The following KAZN variants were observed in gnomAD, a reference collection of about 807,000 sequenced individuals.
KAZN encodes kazrin, periplakin interacting protein.
In KAZN, 40 loss-of-function variants were observed where a neutral mutation model predicts 87.4. The observed-to-expected ratio is 0.46, with a 90% CI of 0.36 to 0.60. KAZN has a LOEUF of 0.60. Ranked by LOEUF, KAZN falls within the 20% of genes least tolerant of loss-of-function variation. The probability of loss-of-function intolerance (pLI) is 0.00; values close to 1 mark genes in which losing one functional copy is unlikely to be tolerated. For synonymous variants in KAZN, 466 were observed against 458.3 expected (o/e 1.02, Z -0.22); for missense variants, 898 against 1,073.9 (o/e 0.84, Z 2.29).
chr1:14,575,216 G>A (rs1056502194), intron 2 of KAZN, among the ~76,000 whole-genome samples: 1 of 151,892 alleles, frequency 6.6e-6, no homozygotes, highest in Non-Finnish European at 1.5e-5. Flanking sequence ...ATAAGAGTGG[G>A]GTAGTAGTGG....
intron 1 of KAZN, among the ~76,000 whole-genome samples, chr1:14,799,800 C>T (rs1171183266): frequency 6.6e-6 from 1 of 152,094 alleles, no homozygotes; most frequent in African/African-American, 2.4e-5. Context: ...ATTTAATGTA[C>T]AATTTAGTTT....
intron 8 of KAZN, among the ~76,000 whole-genome samples, chr1:15,068,519 G>A (rs372886824): frequency 6.6e-6 from 1 of 151,992 alleles, no homozygotes; most frequent in Non-Finnish European, 1.5e-5. Context: ...CTGTGCTTTG[G>A]GGCGTGTTAC....
chr1:14,841,763 A>G (rs551071204), intron 1 of KAZN, among the ~76,000 whole-genome samples: 12 of 152,222 alleles, frequency 7.9e-5, no homozygotes, highest in African/African-American at 2.9e-4. Context: ...ATTTTTTTGT[A>G]CCACTGACAT....
intron 1 of KAZN, among the ~76,000 whole-genome samples, chr1:14,675,111 G>C (rs1440180580): frequency 6.6e-6 from 1 of 152,240 alleles, no homozygotes; most frequent in Non-Finnish European, 1.5e-5. Flanking sequence ...TGACTACACT[G>C]TTTGGTGTGG....
At chr1:14,928,277 C>T (rs372028697) in intron 1 of KAZN, among the ~76,000 whole-genome samples, 14 of 151,976 alleles carry the variant, frequency 9.2e-5, no homozygotes, top group Admixed American at 9.2e-4. Flanking sequence ...GGTGAAACCC[C>T]GTCTCTACTA....
At chr1:14,801,055 A>G (rs1379752112) in intron 1 of KAZN, among the ~76,000 whole-genome samples, 2 of 152,016 alleles carry the variant, frequency 1.3e-5, no homozygotes, top group Admixed American at 6.6e-5. Flanking sequence ...TCTCAAAAAA[A>G]AAAAAAAGAA....
At chr1:14,349,581 C>A (rs1658366863) in intron 2 of KAZN, among the ~76,000 whole-genome samples, 1 of 152,172 alleles carries the variant, frequency 6.6e-6, no homozygotes, top group Admixed American at 6.5e-5. Flanking sequence ...AGATCCATTG[C>A]CATTTATCAT....
chr1:14,402,277 C>T (rs2101138421), intron 2 of KAZN, among the ~76,000 whole-genome samples: 1 of 151,812 alleles, frequency 6.6e-6, no homozygotes, highest in South Asian at 2.1e-4. Context: ...GAAAAATAGC[C>T]TGTTCCTAAT....
intron 2 of KAZN, among the ~76,000 whole-genome samples, chr1:14,500,403 T>C (rs1046070868): frequency 2.7e-4 from 41 of 152,166 alleles, no homozygotes; most frequent in Non-Finnish European, 1.5e-5. Context: ...TCAGCCTAGA[T>C]AATTTCTCAA....
intron 1 of KAZN, among the ~76,000 whole-genome samples, chr1:14,137,905 T>G (rs1645144633): frequency 6.6e-6 from 1 of 151,986 alleles, no homozygotes; most frequent in Non-Finnish European, 1.5e-5. Flanking sequence ...GGCCTATCAG[T>G]TAAGGAATTC....
chr1:15,079,649 T>A (rs968412623), intron 8 of KAZN, among the ~76,000 whole-genome samples: 1 of 152,128 alleles, frequency 6.6e-6, no homozygotes, highest in Non-Finnish European at 1.5e-5. Flanking sequence ...CCTGGCCACC[T>A]GTGTCAAGAT....
chr1:14,596,551 T>C (rs756179843), upstream of KAZN, among the ~76,000 whole-genome samples: 33 of 152,224 alleles, frequency 2.2e-4, no homozygotes, highest in Non-Finnish European at 4.4e-4. Flanking sequence ...TTCTAAAACA[T>C]TTTCATCAGT....
chr1:14,536,855 C>A (rs1672531007), intron 2 of KAZN, among the ~76,000 whole-genome samples: 1 of 151,942 alleles, frequency 6.6e-6, no homozygotes, highest in Non-Finnish European at 1.5e-5. Flanking sequence ...GCACTCCAGC[C>A]TGGGTGACAC....
rs1391869547 is a variant in KAZN, at chr1:15,115,889, C to T, written c.*1254C>T. On this transcript the variant is annotated 3_prime_UTR_variant, in exon 15 of 15. Transcript: ENST00000376030. The surrounding 1 kb of genome is among the most constrained non-coding windows in gnomAD (Gnocchi z 4.1). Reference sequence around the variant, plus strand: ...GGGAAGTTATGGGGTAGCTAATTTCCCATTTACAACACAGAAATGATATAG... The same window carrying T: ...GGGAAGTTATGGGGTAGCTAATTTCTCATTTACAACACAGAAATGATATAG... 2 of 152,154 alleles carry T rather than the reference C, an allele frequency of 1.3e-5. No individual in the cohort carries two copies. The highest frequency in any genetic ancestry group is 2.4e-5 in the African/African-American group (1 of 41,420). The allele number at this position is 152,154 out of a possible 1,614,324, so 9.4% of individuals were successfully genotyped here. A position where few individuals can be genotyped will look rare whatever the true frequency, so the allele number is the denominator to read the frequency against.
chr1:15,056,217 G>A lies in KAZN; in HGVS notation c.853G>A (p.Ala285Thr). ...GCAGGCGGACCTCCCGCTGACCGCA[G>A]CCATCCGGCAGAGTCAACAGACTCT... The part of the protein sequence containing the change: ...VVQADLPLTA[A>T]IRQSQQTLYH... Residue 285 changes from alanine (A) to threonine (T), a missense_variant, in exon 5 of 15, where the codon GCC (alanine) becomes ACC (threonine). By Grantham distance (58) the Ala-to-Thr change is moderately conservative. This residue lies in a region of KAZN where 521 missense variants were observed against 689.4 expected (regional missense o/e 0.76). Coordinates refer to ENST00000376030, the MANE Select transcript of KAZN (RefSeq NM_201628.3). This position sits in a 1 kb window ranked among gnomAD's most constrained non-coding sequence, Gnocchi z 5.4. 6.2e-7 allele frequency: 1 copy of A among 1,614,082 alleles called. No homozygotes were observed. The highest frequency in any genetic ancestry group is 8.5e-7 in the Non-Finnish European group (1 of 1,179,988).
At chr1:14,448,282 T>C (rs1667092610) in intron 2 of KAZN, among the ~76,000 whole-genome samples, 1 of 152,240 alleles carries the variant, frequency 6.6e-6, no homozygotes, top group African/African-American at 2.4e-5. Context: ...CTGATCTTTC[T>C]GGTCCAAAGC....
At chr1:13,997,873 C>T (rs1272063620) in intron 1 of KAZN, among the ~76,000 whole-genome samples, 1 of 152,044 alleles carries the variant, frequency 6.6e-6, no homozygotes, top group African/African-American at 2.4e-5. Context: ...CAGAGAACAC[C>T]ACTAAGATAC....
intron 1 of KAZN, among the ~76,000 whole-genome samples, chr1:14,895,759 C>T (rs879871772): frequency 6.6e-6 from 1 of 152,194 alleles, no homozygotes; most frequent in South Asian, 2.1e-4. Flanking sequence ...CAGAAAGCTC[C>T]GTCCTCTCCC....
chr1:14,657,324 C>T (rs1433012163), intron 1 of KAZN, among the ~76,000 whole-genome samples: 1 of 152,166 alleles, frequency 6.6e-6, no homozygotes, highest in East Asian at 1.9e-4. Context: ...CTCAGGTGAT[C>T]TGCCTGCCTC....
Sources: allele counts gnomAD v4.1 joint callset (sites outside exome capture counted in the v4.1 genomes callset), GRCh38; gene constraint gnomAD v4.1.1; regional missense constraint gnomAD v4.1.1; non-coding constraint Gnocchi (gnomAD v3.1); transcripts MANE v1.5; gene names NCBI Gene and HGNC (gene_info 2026-07-23, HGNC 2026-07-21).